The following BRWD3 variants were observed in gnomAD, a reference collection of about 807,000 sequenced individuals.
BRWD3 encodes bromodomain and WD repeat domain containing 3.
A neutral mutation model predicts 149.7 loss-of-function variants in BRWD3; 10 were observed. That is an observed-to-expected ratio of 0.07 (90% CI 0.04 to 0.11). The LOEUF is 0.11. Ranked by LOEUF, BRWD3 falls within the 10% of genes least tolerant of loss-of-function variation. The probability of loss-of-function intolerance (pLI) is 1.00; values close to 1 mark genes in which losing one functional copy is unlikely to be tolerated. For synonymous variants in BRWD3, 504 were observed against 456.7 expected, an observed-to-expected ratio of 1.10 and a Z score of -1.32; for missense variants, 940 against 1,373.2, an observed-to-expected ratio of 0.68 and a Z score of 4.99.
At chrX:80,699,866 T>C in intron 25 of BRWD3, 91 bp downstream of exon 25, 1 of 592,161 alleles carries the variant, frequency 1.7e-6, no homozygotes, top group Non-Finnish European at 2.8e-6. Context: ...AACAGTGAAA[T>C]ATGCATAAAA....
At chrX:80,768,908 A>C (rs2073899408) in intron 6 of BRWD3, among the ~76,000 whole-genome samples, 1 of 109,878 alleles carries the variant, frequency 9.1e-6, no homozygotes, top group East Asian at 2.8e-4. Context: ...AATGGAAAGC[A>C]AAAAAAAGAA....
At chrX:80,791,704 A>G (rs1385090738) in intron 6 of BRWD3, 150 bp downstream of exon 6, 3 of 430,452 alleles carry the variant, frequency 7.0e-6, no homozygotes, top group Admixed American at 4.2e-5. Flanking sequence ...AAAATGTTTT[A>G]AAAATCTGGA....
At position 80,674,384 on chromosome X, in the gene BRWD3, C is replaced by T. The variant is rs908308698; in HGVS notation, c.*2225G>A. On this transcript the variant is annotated 3_prime_UTR_variant, in exon 41 of 41. Coordinates refer to ENST00000373275, the MANE Select transcript of BRWD3 (RefSeq NM_153252.5). The stretch of plus-strand genomic sequence containing the variant: ...CACAAATGTCAATTCTTCTACATTT[C>T]AAGAGGTCAGCTCTTCATAGAAGAA... 9 of 111,374 alleles carry T rather than the reference C, an allele frequency of 8.1e-5. No individual in the cohort carries two copies. Among genetic ancestry groups the T allele is most frequent in the African/African-American group, 2.9e-4 (9 of 30,733 alleles). The allele number at this position is 111,374 out of a possible 1,213,427, so 9.2% of individuals were successfully genotyped here.
chrX:80,772,466 C>T (rs1331832006), intron 6 of BRWD3, among the ~76,000 whole-genome samples: 1 of 110,373 alleles, frequency 9.1e-6, no homozygotes, highest in Non-Finnish European at 1.9e-5. Flanking sequence ...TGGGGCCTGT[C>T]GTCGGGTGGA....
At chrX:80,734,077 G>C in intron 11 of BRWD3, 41 bp downstream of exon 11, 2 of 881,605 alleles carry the variant, frequency 2.3e-6, no homozygotes, top group Non-Finnish European at 1.7e-6. Flanking sequence ...GCTTTCCAAG[G>C]ATGTTCAAAA....
intron 15 of BRWD3, among the ~76,000 whole-genome samples, 169 bp from the exon 16 acceptor site, chrX:80,724,045 A>G (rs1191536347): frequency 8.9e-6 from 1 of 112,150 alleles, no homozygotes; most frequent in Non-Finnish European, 1.9e-5. Context: ...CCCTGAAAGA[A>G]ATTAGGGAGA....
At chrX:80,705,532 G>T (rs2072850726) in intron 22 of BRWD3, among the ~76,000 whole-genome samples, 1 of 110,996 alleles carries the variant, frequency 9.0e-6, no homozygotes, top group Admixed American at 9.6e-5. Flanking sequence ...TTAACAAAGG[G>T]GATACTTTCA....
chrX:80,805,055 C>T (rs1283793295), intron 4 of BRWD3, among the ~76,000 whole-genome samples: 4 of 111,804 alleles, frequency 3.6e-5, no homozygotes, highest in Non-Finnish European at 5.6e-5. Flanking sequence ...GATCAGGATA[C>T]GTCAATACTT....
intron 19 of BRWD3, among the ~76,000 whole-genome samples, chrX:80,716,600 G>T (rs2147743855): frequency 8.9e-6 from 1 of 111,856 alleles, no homozygotes; most frequent in South Asian, 3.7e-4. Flanking sequence ...TTTTGTCTCT[G>T]GCTTCTTTTG....
chrX:80,809,081 G>A, intron 2 of BRWD3, 39 bp from the exon 3 acceptor site: 3 of 1,175,037 alleles, frequency 2.6e-6, no homozygotes, highest in Non-Finnish European at 3.4e-6. Flanking sequence ...GAGCAGCTCG[G>A]GCCATCAACC....
chrX:80,797,166 GAA>G (rs955267497), intron 4 of BRWD3, among the ~76,000 whole-genome samples: 2 of 111,270 alleles, frequency 1.8e-5, no homozygotes, highest in African/African-American at 6.5e-5. Flanking sequence ...TATGTATCTG[GAA>G]AAAAAGTCTT....
intron 35 of BRWD3, among the ~76,000 whole-genome samples, chrX:80,686,630 C>G (rs1169411330): frequency 1.8e-5 from 2 of 110,502 alleles, no homozygotes; most frequent in Non-Finnish European, 3.8e-5. Context: ...TCGGAAAGAA[C>G]AGCAAATGAA....
intron 25 of BRWD3, among the ~76,000 whole-genome samples, chrX:80,698,357 T>C (rs2147704476): frequency 8.9e-6 from 1 of 112,030 alleles, no homozygotes; most frequent in African/African-American, 3.2e-5. Context: ...AAGCCCAAGC[T>C]CTTTTACCAC....
intron 20 of BRWD3, among the ~76,000 whole-genome samples, chrX:80,712,678 A>G (rs373283036): frequency 5.4e-4 from 46 of 85,717 alleles, no homozygotes; most frequent in African/African-American, 1.5e-3. Flanking sequence ...GTCTCTGCCC[A>G]GCCGCCATCC....
chrX:80,713,021 G>A (rs1250162690), intron 20 of BRWD3, among the ~76,000 whole-genome samples: 1 of 109,072 alleles, frequency 9.2e-6, no homozygotes, highest in African/African-American at 3.4e-5. Context: ...GGGAGGTGGG[G>A]GGGCCAGCCC....
chrX:80,730,388 CAAAA>C (rs1346720255), intron 12 of BRWD3, among the ~76,000 whole-genome samples: 1 of 31,210 alleles, frequency 3.2e-5, no homozygotes, highest in Admixed American at 3.4e-4. Flanking sequence ...TATTATTTAG[CAAAA>C]GAAAGAAAGA....
At chrX:80,723,570 A>AG (rs2073180799) in intron 16 of BRWD3, among the ~76,000 whole-genome samples, 178 bp downstream of exon 16, 2 of 109,770 alleles carry the variant, frequency 1.8e-5, no homozygotes, top group Admixed American at 9.7e-5. Context: ...CTGCACAGCC[A>AG]AACCTAAGGT....
chrX:80,761,057 T>C (rs895670997), intron 6 of BRWD3, among the ~76,000 whole-genome samples: 4 of 110,971 alleles, frequency 3.6e-5, no homozygotes, highest in Non-Finnish European at 5.7e-5. Context: ...TTAAAACCTA[T>C]TGGTTAGCTT....
intron 6 of BRWD3, among the ~76,000 whole-genome samples, chrX:80,746,593 T>G (rs1394444340): frequency 9.0e-6 from 1 of 111,521 alleles, no homozygotes; most frequent in African/African-American, 3.3e-5. Flanking sequence ...CTAAAAGTGC[T>G]TAACACCCCA....
Sources: gnomAD v4.1 joint callset for allele counts (sites outside exome capture counted in the v4.1 genomes callset) on GRCh38, gnomAD v4.1.1 for gene constraint, MANE v1.5 for transcripts, NCBI Gene and HGNC (gene_info 2026-07-23, HGNC 2026-07-21) for gene names.